Variants in CREB5 observed in about 807,000 individuals in gnomAD.
The protein encoded by CREB5 is cAMP responsive element binding protein 5.
CREB5 carries 19 observed loss-of-function variants against 57.1 expected under a neutral mutation model. That is an observed-to-expected ratio of 0.33 (90% confidence interval 0.23 to 0.49). CREB5 has a LOEUF of 0.49. CREB5 is among the 20% of genes least tolerant of loss of function. The pLI is 0.99. For synonymous variants in CREB5, 238 were observed against 238.3 expected, an observed-to-expected ratio of 1.00 and a Z score of 0.01; for missense variants, 579 against 671.6, an observed-to-expected ratio of 0.86 and a Z score of 1.52.
intron 7 of CREB5, among the ~76,000 whole-genome samples, chr7:28,735,961 C>T (rs572161679): frequency 2.6e-5 from 4 of 152,106 alleles, no homozygotes; most frequent in South Asian, 2.1e-4. Flanking sequence ...GACGCCACCA[C>T]GCCCAGCTAT....
chr7:28,662,620 C>G (rs990573751), intron 5 of CREB5, among the ~76,000 whole-genome samples: 8 of 152,128 alleles, frequency 5.3e-5, no homozygotes, highest in Admixed American at 4.6e-4. Flanking sequence ...GCTACTCAAC[C>G]CCCAATTCCA....
At chr7:28,744,328 C>T (rs1330363175) in intron 7 of CREB5, among the ~76,000 whole-genome samples, 1 of 141,888 alleles carries the variant, frequency 7.0e-6, no homozygotes, top group Non-Finnish European at 1.5e-5. Context: ...TCTCATTTTA[C>T]CTTTAGTACC....
At chr7:28,347,622 C>A (rs550640401) in intron 1 of CREB5, among the ~76,000 whole-genome samples, 4 of 152,086 alleles carry the variant, frequency 2.6e-5, no homozygotes. Context: ...ATAATACTAA[C>A]CCTGCCCCGC....
At chr7:28,670,554 C>T (rs530856829) in intron 5 of CREB5, among the ~76,000 whole-genome samples, 48 of 152,182 alleles carry the variant, frequency 3.2e-4, no homozygotes, top group Admixed American at 5.2e-4. Context: ...GACACTTTAC[C>T]CCAAAATAAT....
At chr7:28,548,436 T>A (rs1313552089) in intron 4 of CREB5, among the ~76,000 whole-genome samples, 1 of 152,154 alleles carries the variant, frequency 6.6e-6, no homozygotes, top group Non-Finnish European at 1.5e-5. Flanking sequence ...ACCCAGAAAA[T>A]GACCGTTGTT....
intron 4 of CREB5, among the ~76,000 whole-genome samples, chr7:28,542,706 C>T (rs1215543277): frequency 3.3e-5 from 5 of 152,100 alleles, no homozygotes; most frequent in Non-Finnish European, 7.3e-5. Context: ...TCCAGCTGTA[C>T]ATAATAGTGT....
chr7:28,660,831 C>T (rs1198700162), intron 5 of CREB5, among the ~76,000 whole-genome samples: 2 of 152,120 alleles, frequency 1.3e-5, no homozygotes, highest in Admixed American at 6.6e-5. Context: ...AGCCATCCTC[C>T]TTGGCACTGC....
chr7:28,380,508 A>T (rs1786946342), intron 1 of CREB5, among the ~76,000 whole-genome samples: 1 of 152,112 alleles, frequency 6.6e-6, no homozygotes. Context: ...GCATTAAAAC[A>T]CAAGTTTTAC....
At chr7:28,480,403 G>A (rs1791275033) in intron 1 of CREB5, among the ~76,000 whole-genome samples, 1 of 152,178 alleles carries the variant, frequency 6.6e-6, no homozygotes, top group Non-Finnish European at 1.5e-5. Context: ...GTTCATGGGG[G>A]CAGTTATTTT....
chr7:28,343,664 G>T (rs186783686), intron 1 of CREB5, among the ~76,000 whole-genome samples: 1 of 152,046 alleles, frequency 6.6e-6, no homozygotes, highest in Non-Finnish European at 1.5e-5. Context: ...TGGCTATTGC[G>T]CAATAAACAT....
intron 4 of CREB5, among the ~76,000 whole-genome samples, chr7:28,556,228 T>C (rs1794868635): frequency 6.6e-6 from 1 of 152,204 alleles, no homozygotes. Flanking sequence ...AGGTGCCAAA[T>C]TCCATCTTCT....
chr7:28,622,657 G>A (rs1168469355), intron 5 of CREB5, among the ~76,000 whole-genome samples: 4 of 151,998 alleles, frequency 2.6e-5, no homozygotes, highest in African/African-American at 4.8e-5. Context: ...AGAAACTGAG[G>A]CTCAGAGATG....
At chr7:28,616,781 A>G (rs1235831030) in intron 5 of CREB5, among the ~76,000 whole-genome samples, 2 of 152,226 alleles carry the variant, frequency 1.3e-5, no homozygotes, top group Non-Finnish European at 2.9e-5. Flanking sequence ...ATTTTCATTT[A>G]TGATTTAAAA....
rs564967757 is a variant in CREB5 at position 28,348,138 on chromosome 7, G to T, written c.-25+48697G>T. ...AACACTCTCACTGGTCAATCCAGAG[G>T]TTTCGTGTGCACAGGATCACCGGTT... is the stretch of plus-strand genomic sequence containing the variant. On this transcript the variant is annotated intron_variant, in intron 1 of 9. Transcript: ENST00000396299. 5.9e-5 allele frequency among the ~76,000 whole-genome samples: 9 copies of T among 152,254 alleles called. No homozygotes were observed. The East Asian group carries it at 9.7e-4, about 16-fold the overall frequency.
chr7:28,778,803 A>G (rs968612632), intron 7 of CREB5: 1 of 152,220 alleles, frequency 6.6e-6, no homozygotes, highest in Non-Finnish European at 1.5e-5. Context: ...AATTATTTCA[A>G]AATGGTGACT....
At chr7:28,310,492 A>G (rs904100186) in intron 1 of CREB5, among the ~76,000 whole-genome samples, 1 of 152,220 alleles carries the variant, frequency 6.6e-6, no homozygotes, top group Non-Finnish European at 1.5e-5. Context: ...TCTGGAAGAC[A>G]GAGATGGGTG....
chr7:28,769,580 T>A (rs1806212782), intron 7 of CREB5, among the ~76,000 whole-genome samples: 1 of 152,234 alleles, frequency 6.6e-6, no homozygotes, highest in South Asian at 2.1e-4. Flanking sequence ...GTATGTCTTG[T>A]TGATGCTTTG....
chr7:28,752,360 T>C (rs1805033220), intron 7 of CREB5, among the ~76,000 whole-genome samples: 1 of 152,112 alleles, frequency 6.6e-6, no homozygotes, highest in Non-Finnish European at 1.5e-5. Flanking sequence ...AGAGATGGGG[T>C]TTCACCATGT....
rs1295839995 is a variant in CREB5 at position 28,552,513 on chromosome 7, A to G, written c.292-17852A>G. Among the ~76,000 whole-genome samples the G allele has an allele frequency of 2.0e-5, 3 of 152,188 alleles. No individual in the cohort carries two copies. In the East Asian group the frequency reaches 5.8e-4, roughly 29 times the overall value. On this transcript the variant is annotated intron_variant, in intron 4 of 10. Coordinates refer to ENST00000357727, the MANE Select transcript of CREB5 (RefSeq NM_182898.4). ...AGAGAAGGGTACATCACGGGGGCTC[A>G]AAACAACAAGCAAAATGCCTCCTGC...
Sources: gnomAD v4.1 joint callset for allele counts (sites outside exome capture counted in the v4.1 genomes callset) on GRCh38, gnomAD v4.1.1 for gene constraint, MANE v1.5 for transcripts, NCBI Gene and HGNC (gene_info 2026-07-23, HGNC 2026-07-21) for gene names.